Variants in CFDP1 observed in about 807,000 individuals in gnomAD.
CFDP1 encodes heterochromatin-stabilizing protein CFDP1.
Under a neutral mutation model 40.1 loss-of-function variants are expected in CFDP1, and 31 were observed. The ratio of observed to expected loss-of-function variants is 0.77; its 90% CI spans 0.58 to 1.04. The LOEUF (loss-of-function observed/expected upper bound fraction) is 1.04, where lower values mean the gene tolerates loss of function less well. Among genes scored for constraint, CFDP1 ranks in the 50% least tolerant of loss-of-function variants. The pLI is 0.00. For synonymous variants in CFDP1, 167 were observed against 120.0 expected (o/e 1.39, Z -2.56); for missense variants, 423 against 343.4 (o/e 1.23, Z -1.83).
intron 5 of CFDP1, among the ~76,000 whole-genome samples, chr16:75,348,776 A>C (rs987768281): frequency 7.2e-5 from 11 of 152,182 alleles, no homozygotes; most frequent in Admixed American, 6.5e-4. Context: ...TTTGAACAGT[A>C]TTTTGTAGAT....
chr16:75,412,529 A>G lies in CFDP1; in HGVS notation c.402+6T>C, dbSNP rs1293625024. On this transcript the variant is annotated splice_donor_region_variant and intron_variant, in intron 3 of 6. Transcript: ENST00000283882. ...AGGCATTCACCTCACTAATGTCTCA[A>G]CTTACCTTAACTTGTGTACTTGGGG... is the stretch of plus-strand genomic sequence containing the variant. The G allele has an allele frequency of 2.5e-6, 4 of 1,610,962 alleles. No homozygotes were observed. Among genetic ancestry groups the G allele is most frequent in the East Asian group, 4.5e-5 (2 of 44,874 alleles).
chr16:75,332,999 G>C (rs2078458142), intron 5 of CFDP1, among the ~76,000 whole-genome samples: 1 of 151,568 alleles, frequency 6.6e-6, no homozygotes, highest in Non-Finnish European at 1.5e-5. Flanking sequence ...GTAGAGATGG[G>C]GTTTCACCAT....
At chr16:75,386,584 G>T (rs1033064063) in intron 5 of CFDP1, among the ~76,000 whole-genome samples, 5 of 152,170 alleles carry the variant, frequency 3.3e-5, no homozygotes, top group Non-Finnish European at 7.3e-5. Context: ...AATTAGCCGG[G>T]CGTGGTGGCA....
chr16:75,304,931 C>T (rs1157879763), intron 6 of CFDP1, 93 bp downstream of exon 6: 1 of 1,317,188 alleles, frequency 7.6e-7, no homozygotes, highest in Admixed American at 2.0e-5. Flanking sequence ...TGAAAAGCTC[C>T]TGCTTGCTTA....
intron 6 of CFDP1, among the ~76,000 whole-genome samples, chr16:75,300,390 C>A (rs555210877): frequency 2.2e-4 from 33 of 152,252 alleles, no homozygotes; most frequent in African/African-American, 7.7e-4. Flanking sequence ...CGGGTTCAAG[C>A]AATTCTTTAG....
intron 5 of CFDP1, among the ~76,000 whole-genome samples, chr16:75,373,830 A>G (rs1472093460): frequency 3.3e-5 from 5 of 152,154 alleles, no homozygotes; most frequent in Non-Finnish European, 7.3e-5. Flanking sequence ...AAGCATTTCC[A>G]TTTGAGAAAA....
chr16:75,329,427 T>C (rs551481347), intron 5 of CFDP1, among the ~76,000 whole-genome samples: 1 of 152,320 alleles, frequency 6.6e-6, no homozygotes, highest in Admixed American at 6.5e-5. Flanking sequence ...TGCATCCGTG[T>C]GACTTTGATG....
intron 2 of CFDP1, among the ~76,000 whole-genome samples, chr16:75,413,756 T>A (rs986437535): frequency 3.9e-5 from 6 of 152,208 alleles, no homozygotes; most frequent in Non-Finnish European, 8.8e-5. Context: ...AAGACTTCTA[T>A]GGAAGATGCC....
rs368747975 is a variant in CFDP1 at position 75,305,186 on chromosome 16, A to G, written c.651-4T>C. On this transcript the variant is annotated splice_polypyrimidine_tract_variant and splice_region_variant and intron_variant, in intron 5 of 6. Transcript: ENST00000283882. ...CATGCCACTTGATCTTTTTAACCTAAGGAAAGAAAATATGAAAGATGTAGC... is the reference window on the plus strand; with the variant it reads ...CATGCCACTTGATCTTTTTAACCTAGGGAAAGAAAATATGAAAGATGTAGC... The G allele has an allele frequency of 3.2e-5, 51 of 1,612,454 alleles. No individual in the cohort carries two copies. The highest frequency in any genetic ancestry group is 4.3e-5 in the Non-Finnish European group (51 of 1,179,550).
At chr16:75,376,112 G>A (rs1399214813) in intron 5 of CFDP1, among the ~76,000 whole-genome samples, 1 of 152,180 alleles carries the variant, frequency 6.6e-6, no homozygotes, top group African/African-American at 2.4e-5. Flanking sequence ...TCGAGAGGCT[G>A]AGGTGGGAAG....
At chr16:75,373,572 A>G (rs2078769692) in intron 5 of CFDP1, among the ~76,000 whole-genome samples, 1 of 152,192 alleles carries the variant, frequency 6.6e-6, no homozygotes, top group Non-Finnish European at 1.5e-5. Context: ...ATCATGAACA[A>G]AAGAGAGGCA....
At chr16:75,432,796 G>C (rs916869565) in intron 1 of CFDP1, among the ~76,000 whole-genome samples, 1 of 152,228 alleles carries the variant, frequency 6.6e-6, no homozygotes, top group African/African-American at 2.4e-5. Context: ...TCTGAGAGGA[G>C]AGGATGGGTG....
In CFDP1 at chr16:75,412,030, C is replaced by CT. The variant is rs1189505477; in HGVS notation, c.403-79dup. On this transcript the variant is annotated intron_variant, in intron 3 of 6. Coordinates refer to ENST00000283882, the MANE Select transcript of CFDP1 (RefSeq NM_006324.3). ...TTACAGATACTTTTTATTTTTTTTT[C>CT]TTTGAGATAGCGTCTCACTCTGTAG... is the stretch of plus-strand genomic sequence containing the variant. The CT allele has an allele frequency of 2.8e-6, 4 of 1,422,578 alleles. No individual in the cohort carries two copies. In the Admixed American group the frequency reaches 7.7e-5, roughly 27 times the overall value. The allele number at this position is 1,422,578 out of a possible 1,614,324, so 88.1% of individuals were successfully genotyped here.
chr16:75,394,398 C>A (rs1027387564), intron 5 of CFDP1, among the ~76,000 whole-genome samples: 1 of 152,126 alleles, frequency 6.6e-6, no homozygotes, highest in African/African-American at 2.4e-5. Flanking sequence ...GGAGGAAAAC[C>A]ATTAAGTTCC....
intron 3 of CFDP1, 26 bp downstream of exon 3, chr16:75,412,509 T>C (rs2079171678): frequency 1.9e-6 from 3 of 1,559,780 alleles, no homozygotes; most frequent in Middle Eastern, 1.7e-4. Flanking sequence ...TGGAGAGGCA[T>C]TCACCTCACT....
At chr16:75,311,842 C>T (rs1469527631) in intron 5 of CFDP1, among the ~76,000 whole-genome samples, 2 of 150,468 alleles carry the variant, frequency 1.3e-5, no homozygotes, top group Admixed American at 6.7e-5. Context: ...TGGGCTCAAG[C>T]AATCCTCCTG....
intron 2 of CFDP1, among the ~76,000 whole-genome samples, chr16:75,413,065 G>A (rs1486358401): frequency 6.6e-6 from 1 of 151,960 alleles, no homozygotes; most frequent in Non-Finnish European, 1.5e-5. Context: ...CCTAATCACA[G>A]AATTAATCTA....
chr16:75,356,911 C>CTTTTTTTTTT (rs576406459), intron 5 of CFDP1, among the ~76,000 whole-genome samples: 1 of 80,664 alleles, frequency 1.2e-5, no homozygotes, highest in African/African-American at 3.9e-5. Context: ...TGCTTTCTTT[C>CTTTTTTTTTT]TTTTTTTTTT....
At chr16:75,297,037 C>A (rs2078186958) in intron 6 of CFDP1, among the ~76,000 whole-genome samples, 1 of 152,148 alleles carries the variant, frequency 6.6e-6, no homozygotes, top group South Asian at 2.1e-4. Flanking sequence ...ATAACAATTA[C>A]AATAACCCTC....
Sources: gnomAD v4.1 joint callset for allele counts (sites outside exome capture counted in the v4.1 genomes callset) on GRCh38, gnomAD v4.1.1 for gene constraint, MANE v1.5 for transcripts, NCBI Gene and HGNC (gene_info 2026-07-23, HGNC 2026-07-21) for gene names.